Variants in JPT1 observed in about 807,000 individuals in gnomAD.
The protein encoded by JPT1 is Jupiter microtubule associated homolog 1, also known as androgen-regulated protein 2.
A neutral mutation model predicts 17.0 loss-of-function variants in JPT1; 5 were observed. That is an observed-to-expected ratio of 0.29 (90% CI 0.15 to 0.62). JPT1 has a LOEUF of 0.62. JPT1 is among the 20% of genes least tolerant of loss of function. The pLI is 0.85. For synonymous variants in JPT1, 71 were observed against 73.6 expected, an observed-to-expected ratio of 0.96 and a Z score of 0.18; for missense variants, 158 against 188.1, an observed-to-expected ratio of 0.84 and a Z score of 0.94.
intron 1 of JPT1, among the ~76,000 whole-genome samples, chr17:75,150,347 G>A (rs2074524591): frequency 2.0e-5 from 3 of 151,408 alleles, no homozygotes; most frequent in Admixed American, 6.6e-5. Context: ...TCCGCCTCCC[G>A]GGTTCAAGCG....
intron 1 of JPT1, among the ~76,000 whole-genome samples, chr17:75,151,069 G>T (rs2145196051): frequency 6.6e-6 from 1 of 151,398 alleles, no homozygotes; most frequent in Admixed American, 6.6e-5. Flanking sequence ...AGCCAGGATG[G>T]TCTCCATCTC....
chr17:75,142,615 G>C, intron 4 of JPT1: 1 of 218,744 alleles, frequency 4.6e-6, no homozygotes, highest in South Asian at 2.3e-5. Flanking sequence ...AAGGGGGAGA[G>C]AGGAGGGGAG....
At position 75,136,657 on chromosome 17, in the gene JPT1, A is replaced by G. The variant is rs142428885; in HGVS notation, c.317-407T>C. ...CAGGCGCCTGCCGCCATGCCCGGCTAATTCTTGTATTTTTAGTACAGATGG... is the reference window on the plus strand; with the variant it reads ...CAGGCGCCTGCCGCCATGCCCGGCTGATTCTTGTATTTTTAGTACAGATGG... On this transcript the variant is annotated intron_variant, in intron 4 of 4. Coordinates refer to ENST00000409753, the MANE Select transcript of JPT1 (RefSeq NM_016185.4). Among the ~76,000 whole-genome samples the G allele has an allele frequency of 9.0e-3, 1,366 of 152,222 alleles. 23 individuals carry two copies. The highest frequency in any genetic ancestry group is 0.032 in the African/African-American group (1,317 of 41,532).
intron 4 of JPT1, among the ~76,000 whole-genome samples, chr17:75,143,612 G>T (rs368435499): frequency 5.3e-5 from 8 of 151,814 alleles, no homozygotes; most frequent in African/African-American, 1.7e-4. Flanking sequence ...GAGGAGGGTG[G>T]ATCACCTGAG....
At chr17:75,143,728 C>T (rs987607867) in intron 4 of JPT1, among the ~76,000 whole-genome samples, 12 of 151,840 alleles carry the variant, frequency 7.9e-5, no homozygotes, top group Admixed American at 1.3e-4. Context: ...CTCAGCTACT[C>T]AGGAGGCTGA....
intron 1 of JPT1, among the ~76,000 whole-genome samples, chr17:75,149,897 G>A (rs1487031231): frequency 7.2e-6 from 1 of 139,026 alleles, no homozygotes; most frequent in Non-Finnish European, 1.6e-5. Context: ...AAGTCAGCTT[G>A]ACCAATTTAG....
At chr17:75,145,620 G>A (rs1232891266) in intron 4 of JPT1, 9 of 152,210 alleles carry the variant, frequency 5.9e-5, no homozygotes, top group Non-Finnish European at 1.0e-4. Flanking sequence ...ACTTTGTAAA[G>A]TGGATGCTGT....
intron 1 of JPT1, among the ~76,000 whole-genome samples, chr17:75,149,994 T>C (rs2074516867): frequency 6.6e-6 from 1 of 152,188 alleles, no homozygotes; most frequent in African/African-American, 2.4e-5. Flanking sequence ...ATTCTCACAA[T>C]AAACATAAGT....
At chr17:75,151,253 A>G (rs912472087) in intron 1 of JPT1, among the ~76,000 whole-genome samples, 3 of 152,036 alleles carry the variant, frequency 2.0e-5, no homozygotes, top group Non-Finnish European at 4.4e-5. Flanking sequence ...GAATCGCTTG[A>G]ACCCTGTAGG....
chr17:75,136,406 C>G (rs2145153667), intron 4 of JPT1, 156 bp from the exon 5 acceptor site: 1 of 594,968 alleles, frequency 1.7e-6, no homozygotes, highest in Admixed American at 3.4e-5. Context: ...TCCCACTCCA[C>G]AGAATTAACC....
chr17:75,148,242 G>A (rs979315779), intron 2 of JPT1, among the ~76,000 whole-genome samples: 1 of 152,052 alleles, frequency 6.6e-6, no homozygotes, highest in African/African-American at 2.4e-5. Context: ...AGCTGTAGTT[G>A]GTTTTTCTTT....
chr17:75,140,400 A>AGAATATCTG (rs2074286136), intron 4 of JPT1, among the ~76,000 whole-genome samples: 1 of 152,198 alleles, frequency 6.6e-6, no homozygotes, highest in Non-Finnish European at 1.5e-5. Context: ...TCTGAATAGA[A>AGAATATCTG]AATGATTCAT....
chr17:75,146,046 C>T (rs1405512922), intron 4 of JPT1, among the ~76,000 whole-genome samples: 1 of 152,130 alleles, frequency 6.6e-6, no homozygotes, highest in East Asian at 1.9e-4. Context: ...CTACTGCACT[C>T]CAGCCTTGGC....
Position 75,147,698 on chromosome 17 carries a change from C to A in JPT1, c.200-45G>T, listed in dbSNP as rs756315429. On this transcript the variant is annotated intron_variant, in intron 2 of 4. Coordinates refer to ENST00000409753, the MANE Select transcript of JPT1 (RefSeq NM_016185.4). ...TTCTTCAGAAATACAATAGAAAAAA[C>A]CTAAAGCAAAACACTTCAGGCTGGG... is the stretch of plus-strand genomic sequence containing the variant. 4.4e-5 allele frequency: 67 copies of A among 1,522,376 alleles called. No homozygotes were observed. The Middle Eastern group carries it at 8.6e-4, about 20-fold the overall frequency. 94.3% of individuals were successfully genotyped at this position (1,522,376 alleles called of 1,614,324 possible).
chr17:75,135,848 A>G lies in JPT1; in HGVS notation c.*254T>C, dbSNP rs2074182639. ...ATCTGGAACCAAATTATTTCTTCTT[A>G]AAAACACAGTACTAAGTGTCACAAA... On this transcript the variant is annotated 3_prime_UTR_variant, in exon 5 of 5. Coordinates refer to ENST00000409753, the MANE Select transcript of JPT1 (RefSeq NM_016185.4). 1 of 686,118 alleles carries G rather than the reference A, an allele frequency of 1.5e-6. No individual in the cohort carries two copies. Among genetic ancestry groups the G allele is most frequent in the Non-Finnish European group, 2.4e-6 (1 of 420,386 alleles). 42.5% of individuals were successfully genotyped at this position (686,118 alleles called of 1,614,324 possible). A position where few individuals can be genotyped will look rare whatever the true frequency, so the allele number is the denominator to read the frequency against.
At chr17:75,148,987 G>T in intron 1 of JPT1, 1 of 1,262,132 alleles carries the variant, frequency 7.9e-7, no homozygotes, top group Non-Finnish European at 1.0e-6. Context: ...AGATCTAATG[G>T]ACCTTACTCT....
In JPT1 at chr17:75,146,645, T is replaced by C. The variant is rs929952055; in HGVS notation, c.316+21A>G. 5.2e-6 allele frequency: 8 copies of C among 1,530,860 alleles called. No individual in the cohort carries two copies. In the Admixed American group the frequency reaches 9.8e-5, roughly 19 times the overall value. 94.8% of individuals were successfully genotyped at this position (1,530,860 alleles called of 1,614,324 possible). On this transcript the variant is annotated intron_variant, in intron 4 of 4. Coordinates refer to ENST00000409753, the MANE Select transcript of JPT1 (RefSeq NM_016185.4). ...TAAAACCATGGACAGAGCCAGAAATTTGGTCTTCAGAAGTACTTACCATGA... is the reference window on the plus strand; with the variant it reads ...TAAAACCATGGACAGAGCCAGAAATCTGGTCTTCAGAAGTACTTACCATGA...
intron 1 of JPT1, chr17:75,149,143 G>A (rs764091897): frequency 2.5e-6 from 2 of 814,880 alleles, no homozygotes; most frequent in Non-Finnish European, 3.6e-6. Flanking sequence ...TTGAGCCTAG[G>A]AGTTCAAGAC....
At position 75,149,267 on chromosome 17, in the gene JPT1, G is replaced by A. The variant is rs1239583836; in HGVS notation, c.57-596C>T. On this transcript the variant is annotated intron_variant, in intron 1 of 4. Coordinates refer to ENST00000409753, the MANE Select transcript of JPT1 (RefSeq NM_016185.4). ...GCTACACTGGACTCTGAGACAGAAG[G>A]ATCGTTTCGGCCGGGAGGTCAAGGC... The A allele has an allele frequency of 1.2e-4, 39 of 332,204 alleles. 1 individual carries two copies. The highest frequency in any genetic ancestry group is 8.7e-4 in the South Asian group (38 of 43,764). 20.6% of individuals were successfully genotyped at this position (332,204 alleles called of 1,614,324 possible).
Sources: allele counts gnomAD v4.1 joint callset (sites outside exome capture counted in the v4.1 genomes callset), GRCh38; gene constraint gnomAD v4.1.1; transcripts MANE v1.5; gene names NCBI Gene and HGNC (gene_info 2026-07-23, HGNC 2026-07-21).